PTPRM: variants seen among roughly 807,000 people sequenced by gnomAD.
PTPRM encodes protein tyrosine phosphatase receptor type M, also known as receptor-type tyrosine-protein phosphatase mu.
Under a neutral mutation model 186.7 loss-of-function variants are expected in PTPRM, and 47 were observed. The ratio of observed to expected loss-of-function variants is 0.25; its 90% CI spans 0.20 to 0.32. PTPRM has a LOEUF of 0.32. Among genes scored for constraint, PTPRM ranks in the 10% least tolerant of loss-of-function variants. The pLI, the probability that PTPRM is intolerant of heterozygous loss-of-function variation, is 1.00. For synonymous variants in PTPRM, 668 were observed against 674.9 expected (o/e 0.99, Z 0.16); for missense variants, 1,494 against 1,865.0 (o/e 0.80, Z 3.66).
rs146319625 is a variant in PTPRM at position 8,083,341 on chromosome 18, C to T, written c.1552-2330C>T. ...CACTTCTCAAGCCCCCAAGGAACCA[C>T]ACCGACCTCCTTTCTGTTCATATAC... On this transcript the variant is annotated intron_variant, in intron 9 of 32. Transcript: ENST00000580170. Among the ~76,000 whole-genome samples, 313 of 152,298 alleles carry T rather than the reference C, an allele frequency of 2.1e-3. 4 individuals are homozygous for T. The highest frequency in any genetic ancestry group is 7.2e-3 in the African/African-American group (299 of 41,580).
At chr18:8,031,861 CAAG>C (rs796608535) in intron 7 of PTPRM, among the ~76,000 whole-genome samples, 6 of 152,210 alleles carry the variant, frequency 3.9e-5, no homozygotes, top group African/African-American at 1.4e-4. Flanking sequence ...CTGAGTTAGC[CAAG>C]AAGAGAGAAG....
intron 7 of PTPRM, among the ~76,000 whole-genome samples, chr18:8,055,972 GGTGTTGCTGGAGA>G (rs2087899354): frequency 6.6e-6 from 1 of 152,102 alleles, no homozygotes; most frequent in South Asian, 2.1e-4. Context: ...CATGGTGTAA[GGTGTTGCTGGAGA>G]CACACTACAT....
At chr18:7,837,629 A>G (rs899872231) in intron 2 of PTPRM, among the ~76,000 whole-genome samples, 3 of 151,974 alleles carry the variant, frequency 2.0e-5, no homozygotes, top group Non-Finnish European at 2.9e-5. Context: ...TAATTTTTGT[A>G]TTTTTAGTAG....
intron 1 of PTPRM, among the ~76,000 whole-genome samples, chr18:7,609,538 T>TA (rs1567981417): frequency 1.3e-5 from 2 of 149,508 alleles, no homozygotes; most frequent in African/African-American, 4.9e-5. Flanking sequence ...TTTTTTTTTT[T>TA]AAAGGCAAGC....
At chr18:7,788,706 T>A (rs1352824373) in intron 2 of PTPRM, among the ~76,000 whole-genome samples, 3 of 152,248 alleles carry the variant, frequency 2.0e-5, no homozygotes, top group Admixed American at 6.5e-5. Context: ...AGGTGAATAG[T>A]CACATGCCTA....
At chr18:7,890,505 A>G (rs368502846) in intron 3 of PTPRM, among the ~76,000 whole-genome samples, 5 of 151,752 alleles carry the variant, frequency 3.3e-5, no homozygotes, top group South Asian at 2.1e-4. Context: ...ATGAGTGACA[A>G]GTAAATGTGT....
intron 18 of PTPRM, 146 bp downstream of exon 18, chr18:8,252,645 G>A (rs1905037936): frequency 6.6e-6 from 5 of 753,338 alleles, no homozygotes; most frequent in Admixed American, 2.0e-5. Context: ...GTGATGTGTT[G>A]GTCCACAACA....
intron 7 of PTPRM, among the ~76,000 whole-genome samples, chr18:8,000,738 A>G (rs1288901005): frequency 6.6e-6 from 1 of 152,238 alleles, no homozygotes; most frequent in African/African-American, 2.4e-5. Flanking sequence ...ATTTCACACC[A>G]TATATCATGA....
chr18:7,586,680 A>T (rs1296842000), intron 1 of PTPRM, among the ~76,000 whole-genome samples: 1 of 152,202 alleles, frequency 6.6e-6, no homozygotes, highest in East Asian at 1.9e-4. Context: ...AAAGCACTAT[A>T]AACATTTAAA....
At chr18:7,748,720 A>AGTGATGATG (rs1221803532) in intron 1 of PTPRM, among the ~76,000 whole-genome samples, 1 of 152,192 alleles carries the variant, frequency 6.6e-6, no homozygotes, top group Non-Finnish European at 1.5e-5. Flanking sequence ...CAGCATCATT[A>AGTGATGATG]GTGATGATGA....
intron 7 of PTPRM, among the ~76,000 whole-genome samples, chr18:8,003,720 G>A (rs1349967680): frequency 2.6e-5 from 4 of 152,190 alleles, no homozygotes; most frequent in Non-Finnish European, 5.9e-5. Context: ...AAGAGATTGT[G>A]TATTTCTTTG....
chr18:8,027,030 G>A (rs2148018191), intron 7 of PTPRM, among the ~76,000 whole-genome samples: 1 of 152,246 alleles, frequency 6.6e-6, no homozygotes, highest in East Asian at 1.9e-4. Context: ...GGATACCCAA[G>A]TTATTAATAT....
chr18:7,864,770 C>T (rs2047589729), intron 2 of PTPRM, among the ~76,000 whole-genome samples: 1 of 152,140 alleles, frequency 6.6e-6, no homozygotes, highest in African/African-American at 2.4e-5. Context: ...AGCATTGAAT[C>T]TATAAATTCC....
intron 1 of PTPRM, among the ~76,000 whole-genome samples, chr18:7,723,799 C>T (rs957938408): frequency 4.6e-5 from 7 of 152,260 alleles, no homozygotes; most frequent in African/African-American, 1.7e-4. Flanking sequence ...TGGGAGAGCA[C>T]CCTTTTTGTC....
At chr18:8,172,284 T>TTA (rs1555783430) in intron 14 of PTPRM, among the ~76,000 whole-genome samples, 6 of 144,478 alleles carry the variant, frequency 4.2e-5, no homozygotes, top group Non-Finnish European at 6.1e-5. Context: ...TTTTTTTTTT[T>TTA]ATAACTTTAC....
chr18:7,915,694 T>G (rs1568008449), intron 4 of PTPRM, among the ~76,000 whole-genome samples: 1 of 152,202 alleles, frequency 6.6e-6, no homozygotes, highest in African/African-American at 2.4e-5. Flanking sequence ...TTGTGAAGAT[T>G]TAGGTTTAAG....
chr18:7,795,261 A>AT (rs1012499179), intron 2 of PTPRM, among the ~76,000 whole-genome samples: 29 of 152,256 alleles, frequency 1.9e-4, no homozygotes, highest in Admixed American at 2.6e-4. Context: ...AAGCTCTTCT[A>AT]TCTTCTCTCT....
intron 1 of PTPRM, among the ~76,000 whole-genome samples, chr18:7,601,576 C>G (rs912015309): frequency 6.6e-6 from 1 of 152,224 alleles, no homozygotes; most frequent in African/African-American, 2.4e-5. Flanking sequence ...CTGCCTCCGT[C>G]TTCACATCAC....
chr18:8,400,763 A>T (rs1025409498), intron 32 of PTPRM, among the ~76,000 whole-genome samples: 3 of 152,286 alleles, frequency 2.0e-5, no homozygotes, highest in African/African-American at 7.2e-5. Flanking sequence ...CACATACAAA[A>T]TGCAATGTGG....
Sources: gnomAD v4.1 joint callset for allele counts (sites outside exome capture counted in the v4.1 genomes callset) on GRCh38, gnomAD v4.1.1 for gene constraint, MANE v1.5 for transcripts, NCBI Gene and HGNC (gene_info 2026-07-23, HGNC 2026-07-21) for gene names.